Variants in ANKRD36C observed in about 807,000 individuals in gnomAD.
The protein encoded by ANKRD36C is ankyrin repeat domain 36C.
A neutral mutation model predicts 276.4 loss-of-function variants in ANKRD36C; 61 were observed. That is an observed-to-expected ratio of 0.22 (90% CI 0.18 to 0.27). The LOEUF (loss-of-function observed/expected upper bound fraction) is 0.27, where lower values mean the gene tolerates loss of function less well. Ranked by LOEUF, ANKRD36C falls within the 10% of genes least tolerant of loss-of-function variation. ANKRD36C has a pLI of 1.00. For missense variants in ANKRD36C, 1,447 were observed against 2,032.3 expected, an observed-to-expected ratio of 0.71 and a Z score of 5.54; for synonymous variants, 483 against 680.1, an observed-to-expected ratio of 0.71 and a Z score of 4.51.
At chr2:95,941,563 C>A (rs564667738) in intron 19 of ANKRD36C, among the ~76,000 whole-genome samples, 91 of 151,996 alleles carry the variant, frequency 6.0e-4, no homozygotes, top group African/African-American at 2.2e-3. Context: ...GTGAGGGCAG[C>A]ATGTGCAAAA....
intron 17 of ANKRD36C, among the ~76,000 whole-genome samples, chr2:95,946,420 G>C (rs1232852102): frequency 7.1e-6 from 1 of 141,738 alleles, no homozygotes; most frequent in East Asian, 2.0e-4. Context: ...AGGTGCTGGA[G>C]AGGATGTGGA....
intron 42 of ANKRD36C, among the ~76,000 whole-genome samples, chr2:95,911,588 G>A (rs1676926647): frequency 6.6e-6 from 1 of 151,456 alleles, no homozygotes; most frequent in African/African-American, 2.4e-5. Context: ...TAGTAACAAA[G>A]AGGAGTAATG....
chr2:95,884,438 T>A, intron 52 of ANKRD36C, 70 bp from the exon 73 acceptor site: 11 of 1,604,076 alleles, frequency 6.9e-6, no homozygotes, highest in Non-Finnish European at 9.4e-6. Context: ...ATTCATGCAG[T>A]GTTAGCATCA....
At chr2:95,914,299 A>T in exon 39 of ANKRD36C, 5 of 1,548,882 alleles carry the variant, frequency 3.2e-6, no homozygotes, top group Non-Finnish European at 4.4e-6. Context: ...GTTTCTCAGA[A>T]GTCACTGAAA....
At chr2:95,928,362 A>G (rs1354051569) in intron 26 of ANKRD36C, among the ~76,000 whole-genome samples, 1 of 151,606 alleles carries the variant, frequency 6.6e-6, no homozygotes, top group Non-Finnish European at 1.5e-5. Context: ...TCTCATTTTT[A>G]TAAGTAAAGT....
intron 4 of ANKRD36C, 79 bp downstream of exon 4, chr2:95,982,177 T>G: frequency 9.1e-7 from 1 of 1,098,208 alleles, no homozygotes; most frequent in Non-Finnish European, 1.3e-6. Flanking sequence ...TAATGTAAAA[T>G]TTGTGACTTC....
chr2:95,858,299 C>T (rs1001715123), intron 61 of ANKRD36C, among the ~76,000 whole-genome samples: 4 of 152,098 alleles, frequency 2.6e-5, no homozygotes, highest in South Asian at 2.1e-4. Flanking sequence ...ATAAAACATT[C>T]GTATGTTGGT....
At position 95,902,978 on chromosome 2, in the gene ANKRD36C, C is replaced by T; in HGVS notation, c.2654-3642G>A. The T allele has an allele frequency of 5.7e-6, 9 of 1,579,532 alleles. No homozygotes were observed. Among genetic ancestry groups the T allele is most frequent in the Non-Finnish European group, 7.8e-6 (9 of 1,160,424 alleles). ...TGTAGCCTGAATGGAATTTGAAATG[C>T]AATAATAAATTAATAAAGTATGCTT... On this transcript the variant is annotated intron_variant, in intron 42 of 66. Coordinates refer to ENST00000456556, the Ensembl canonical transcript of ANKRD36C.
At chr2:95,950,627 TGACA>T in intron 16 of ANKRD36C, 118 bp downstream of exon 16, 5 of 1,218,066 alleles carry the variant, frequency 4.1e-6, no homozygotes, top group Non-Finnish European at 5.6e-6. Flanking sequence ...TGACATGACA[TGACA>T]AATGTTAAGC....
intron 48 of ANKRD36C, among the ~76,000 whole-genome samples, chr2:95,888,635 A>G (rs1270749917): frequency 1.3e-5 from 2 of 151,732 alleles, no homozygotes; most frequent in African/African-American, 4.8e-5. Flanking sequence ...GAAGTGTCCT[A>G]AATTGATCAG....
Position 95,962,516 on chromosome 2 carries a change from T to G in ANKRD36C, c.828+3A>C. On this transcript the variant is annotated splice_donor_region_variant and intron_variant, in intron 7 of 66. Coordinates refer to ENST00000456556, the Ensembl canonical transcript of ANKRD36C. ...TTCAAAACAGAAATGAATGTGTAAT[T>G]ACCTTCAAGGCTGGTTGTTTCTGAG... is the stretch of plus-strand genomic sequence containing the variant. 1.2e-6 allele frequency: 2 copies of G among 1,601,092 alleles called. No homozygotes were observed. Among genetic ancestry groups the G allele is most frequent in the Non-Finnish European group, 1.7e-6 (2 of 1,178,462 alleles).
At chr2:95,885,892 C>T (rs541717484) in intron 52 of ANKRD36C, among the ~76,000 whole-genome samples, 156 bp downstream of exon 72, 2 of 151,862 alleles carry the variant, frequency 1.3e-5, no homozygotes, top group South Asian at 4.1e-4. Context: ...AGGACCAGCA[C>T]CATCAGGGTC....
chr2:95,855,859 G>A (rs77216432), exon 63 of ANKRD36C: 5 of 1,613,742 alleles, frequency 3.1e-6, no homozygotes, highest in East Asian at 2.2e-5. Flanking sequence ...AGTCTACAAC[G>A]GTATGATTGC....
rs115953176 is a variant in ANKRD36C at position 95,855,359 on chromosome 2, G to T, written c.4902C>A (p.Leu1634=). The change falls in exon 63 of 67, where the codon CTC becomes CTA. Residue 1634 remains leucine, a synonymous_variant. Coordinates refer to ENST00000456556, the Ensembl canonical transcript of ANKRD36C. ...ACATTTTATTGTCTTCTTCTAGTAA[G>T]AGACGGTGCTTTCTGCACTCAGCTT... 19,276 of 1,612,886 alleles carry T rather than the reference G, an allele frequency of 0.012. 1,389 individuals carry two copies. The East Asian group carries it at 0.16, about 13-fold the overall frequency.
chr2:95,910,824 G>A (rs1676896153), intron 42 of ANKRD36C, among the ~76,000 whole-genome samples: 1 of 151,410 alleles, frequency 6.6e-6, no homozygotes, highest in Non-Finnish European at 1.5e-5. Flanking sequence ...ATAAAACCGT[G>A]TCAATCTCAA....
At chr2:95,918,600 G>A (rs57472052) in intron 34 of ANKRD36C, among the ~76,000 whole-genome samples, 119 of 151,744 alleles carry the variant, frequency 7.8e-4, no homozygotes, top group African/African-American at 2.5e-3. Flanking sequence ...ATACCTAGTA[G>A]ATAATATTCA....
intron 59 of ANKRD36C, among the ~76,000 whole-genome samples, 192 bp from the exon 80 acceptor site, chr2:95,867,773 TTTCCCAG>T (rs1431071062): frequency 2.0e-5 from 3 of 150,970 alleles, no homozygotes; most frequent in Admixed American, 2.0e-4. Flanking sequence ...GATAAATTAG[TTTCCCAG>T]TTCCTATGCT....
At chr2:95,958,319 A>G (rs935817119) in intron 12 of ANKRD36C, among the ~76,000 whole-genome samples, 1 of 152,030 alleles carries the variant, frequency 6.6e-6, no homozygotes, top group Non-Finnish European at 1.5e-5. Flanking sequence ...AAGCAAAATT[A>G]TGCTGTCCCC....
chr2:95,951,457 A>G, intron 14 of ANKRD36C, 49 bp from the exon 15 acceptor site: 2 of 1,338,970 alleles, frequency 1.5e-6, no homozygotes, highest in Non-Finnish European at 2.1e-6. Context: ...GCAAGTTAAA[A>G]TAAGGATAAT....
Sources: allele counts gnomAD v4.1 joint callset (sites outside exome capture counted in the v4.1 genomes callset), GRCh38; gene constraint gnomAD v4.1.1; transcripts MANE v1.5; gene names NCBI Gene and HGNC (gene_info 2026-07-23, HGNC 2026-07-21).